THRB: variants seen among roughly 807,000 people sequenced by gnomAD.
THRB encodes the protein thyroid hormone receptor beta, also known as nuclear receptor subfamily 1 group A member 2.
In THRB, 12 loss-of-function variants were observed where a neutral mutation model predicts 47.8. The ratio of observed to expected loss-of-function variants is 0.25; its 90% CI spans 0.16 to 0.41. The LOEUF (loss-of-function observed/expected upper bound fraction) is 0.41. Among genes scored for constraint, THRB ranks in the 10% least tolerant of loss-of-function variants. The pLI, the probability that THRB is intolerant of heterozygous loss-of-function variation, is 1.00. For missense variants in THRB, 348 were observed against 589.2 expected, an observed-to-expected ratio of 0.59 and a Z score of 4.24; for synonymous variants, 218 against 212.2, an observed-to-expected ratio of 1.03 and a Z score of -0.24.
chr3:24,150,551 A>T lies in THRB; in HGVS notation c.384+1839T>A, dbSNP rs112476641. ...ACCTCAGCTGATCCAGGCTCCAAAC[A>T]TCCTGTGATCTAGGGAAAACAGGCT... On this transcript the variant is annotated intron_variant, in intron 6 of 10. Coordinates refer to ENST00000646209, the MANE Select transcript of THRB (RefSeq NM_001354712.2). Among the ~76,000 whole-genome samples, 601 of 152,300 alleles carry T rather than the reference A, an allele frequency of 3.9e-3. 5 individuals are homozygous for T. The highest frequency in any genetic ancestry group is 0.014 in the African/African-American group (573 of 41,566).
chr3:24,315,389 T>A (rs1306109960), intron 2 of THRB, among the ~76,000 whole-genome samples: 4 of 152,232 alleles, frequency 2.6e-5, no homozygotes, highest in Non-Finnish European at 5.9e-5. Context: ...AGCCACGTCC[T>A]GCACTTACGT....
intron 1 of THRB, among the ~76,000 whole-genome samples, chr3:24,381,618 C>T (rs569766357): frequency 5.9e-5 from 9 of 152,286 alleles, no homozygotes; most frequent in African/African-American, 2.2e-4. Context: ...AGAGTTTCCA[C>T]TGGTAAGACT....
intron 5 of THRB, among the ~76,000 whole-genome samples, chr3:24,188,287 T>G (rs923883195): frequency 6.6e-6 from 1 of 152,228 alleles, no homozygotes; most frequent in Non-Finnish European, 1.5e-5. Context: ...GAGAGCACTA[T>G]AAGTCAGGTA....
intron 2 of THRB, among the ~76,000 whole-genome samples, chr3:24,310,893 C>T (rs1233428850): frequency 2.6e-5 from 4 of 152,198 alleles, no homozygotes; most frequent in Non-Finnish European, 4.4e-5. Context: ...CTCTCTTTCT[C>T]ATGGCAGGAC....
intron 1 of THRB, among the ~76,000 whole-genome samples, chr3:24,384,099 G>A (rs951494627): frequency 9.2e-5 from 14 of 152,218 alleles, no homozygotes; most frequent in Middle Eastern, 3.4e-3. Context: ...GCCATACCAG[G>A]TCTTTCCACC....
chr3:24,308,716 T>C (rs2057533399), intron 2 of THRB, among the ~76,000 whole-genome samples: 1 of 152,206 alleles, frequency 6.6e-6, no homozygotes, highest in African/African-American at 2.4e-5. Flanking sequence ...TAGTTAACAC[T>C]TTGCCCATGG....
chr3:24,396,365 G>A (rs1015705529), intron 1 of THRB, among the ~76,000 whole-genome samples: 1 of 130,010 alleles, frequency 7.7e-6, no homozygotes, highest in South Asian at 2.8e-4. Flanking sequence ...TGATTACAAC[G>A]TTTGGCCAAC....
At chr3:24,492,769 T>C (rs1698356098) in intron 1 of THRB, among the ~76,000 whole-genome samples, 1 of 152,254 alleles carries the variant, frequency 6.6e-6, no homozygotes, top group Admixed American at 6.5e-5. Flanking sequence ...ACATGGAATA[T>C]TCATTCCTCT....
chr3:24,374,717 T>G (rs1243798526), intron 1 of THRB, among the ~76,000 whole-genome samples: 1 of 152,114 alleles, frequency 6.6e-6, no homozygotes, highest in East Asian at 1.9e-4. Context: ...AGGCTAAAAT[T>G]TAGTTTTGGG....
intron 4 of THRB, among the ~76,000 whole-genome samples, chr3:24,202,402 TC>T (rs993615689): frequency 3.7e-4 from 56 of 152,322 alleles, no homozygotes; most frequent in East Asian, 1.3e-3. Context: ...CTCCTTTTTT[TC>T]ATCTAGTAAA....
At chr3:24,355,109 C>T (rs2149578722) in intron 1 of THRB, among the ~76,000 whole-genome samples, 1 of 152,242 alleles carries the variant, frequency 6.6e-6, no homozygotes. Context: ...GTGATTAAAA[C>T]TAACATCCTC....
intron 1 of THRB, among the ~76,000 whole-genome samples, chr3:24,435,583 C>T (rs1049595835): frequency 7.2e-5 from 11 of 152,164 alleles, no homozygotes; most frequent in Admixed American, 5.9e-4. Flanking sequence ...ACATTTGACA[C>T]GTGCCTTGTA....
intron 9 of THRB, among the ~76,000 whole-genome samples, chr3:24,128,342 G>A (rs1267401235): frequency 1.3e-5 from 2 of 152,146 alleles, no homozygotes; most frequent in Non-Finnish European, 2.9e-5. Flanking sequence ...GAAGGCAGAG[G>A]GGAGAGCAGA....
At chr3:24,468,069 G>T (rs76006440) in intron 1 of THRB, among the ~76,000 whole-genome samples, 4,210 of 152,284 alleles carry the variant, frequency 0.028, 187 homozygotes, top group African/African-American at 0.096. Flanking sequence ...AGGCACTGGT[G>T]CTTCATCTTG....
intron 1 of THRB, among the ~76,000 whole-genome samples, chr3:24,428,651 G>A (rs1356552516): frequency 6.6e-6 from 1 of 151,996 alleles, no homozygotes; most frequent in Non-Finnish European, 1.5e-5. Flanking sequence ...AAAATGCTGA[G>A]CTTATCAAAA....
intron 2 of THRB, among the ~76,000 whole-genome samples, chr3:24,335,470 A>T (rs1056163664): frequency 6.6e-6 from 1 of 152,230 alleles, no homozygotes; most frequent in African/African-American, 2.4e-5. Context: ...ATTTGGCTAC[A>T]GTATTTTCAT....
At chr3:24,140,868 T>C (rs1252832131) in intron 8 of THRB, among the ~76,000 whole-genome samples, 1 of 152,202 alleles carries the variant, frequency 6.6e-6, no homozygotes, top group African/African-American at 2.4e-5. Context: ...CCATCACACA[T>C]AGCATAGATA....
At chr3:24,425,559 C>T (rs1221117934) in intron 1 of THRB, among the ~76,000 whole-genome samples, 1 of 151,782 alleles carries the variant, frequency 6.6e-6, no homozygotes, top group African/African-American at 2.4e-5. Context: ...GAGTTAATTT[C>T]AATTTATTAT....
chr3:24,433,181 G>C lies in THRB; in HGVS notation c.-261+61471C>G, dbSNP rs575096334. On this transcript the variant is annotated intron_variant, in intron 1 of 10. Coordinates refer to ENST00000646209, the MANE Select transcript of THRB (RefSeq NM_001354712.2). Reference sequence around the variant, plus strand: ...GGAATAATAACAATACCTATCTGTAGTGGGTTAAATAATGACCTCCCAAAT... The same window carrying C: ...GGAATAATAACAATACCTATCTGTACTGGGTTAAATAATGACCTCCCAAAT... Among the ~76,000 whole-genome samples the C allele has an allele frequency of 5.3e-5, 8 of 152,210 alleles. 1 individual carries two copies. In the South Asian group the frequency reaches 1.7e-3, roughly 32 times the overall value.
Sources: allele counts gnomAD v4.1 joint callset (sites outside exome capture counted in the v4.1 genomes callset), GRCh38; gene constraint gnomAD v4.1.1; transcripts MANE v1.5; gene names NCBI Gene and HGNC (gene_info 2026-07-23, HGNC 2026-07-21).